GDF6: variants seen among roughly 807,000 people sequenced by gnomAD.
The protein encoded by GDF6 is growth differentiation factor 6.
A neutral mutation model predicts 32.4 loss-of-function variants in GDF6; 3 were observed. The ratio of observed to expected loss-of-function variants is 0.09; its 90% CI spans 0.04 to 0.24. GDF6 has a LOEUF of 0.24. Ranked by LOEUF, GDF6 falls within the 10% of genes least tolerant of loss-of-function variation. The probability of loss-of-function intolerance (pLI) is 1.00; values close to 1 mark genes in which losing one functional copy is unlikely to be tolerated. For missense variants in GDF6, 589 were observed against 637.9 expected (o/e 0.92, Z 0.83); for synonymous variants, 296 against 295.3 (o/e 1.00, Z -0.03).
intron 1 of GDF6, among the ~76,000 whole-genome samples, chr8:96,154,060 A>G (rs994846749): frequency 1.3e-5 from 2 of 152,150 alleles, no homozygotes; most frequent in African/African-American, 4.8e-5. Flanking sequence ...TTTGCAAAGC[A>G]GGCGCACCGA....
At chr8:96,156,797 C>G (rs1023412068) in intron 1 of GDF6, among the ~76,000 whole-genome samples, 3 of 152,198 alleles carry the variant, frequency 2.0e-5, no homozygotes, top group African/African-American at 7.2e-5. Context: ...CACTCACACT[C>G]CTAACTGGGT....
intron 1 of GDF6, among the ~76,000 whole-genome samples, chr8:96,153,860 C>A (rs1426860417): frequency 6.6e-6 from 1 of 152,016 alleles, no homozygotes; most frequent in African/African-American, 2.4e-5. Flanking sequence ...CGTGTGCAGT[C>A]TGGGAGGAAG....
chr8:96,145,188 C>A lies in GDF6; in HGVS notation c.743G>T (p.Arg248Leu), dbSNP rs765707228. Residue 248 changes from arginine (R) to leucine (L), a missense_variant, in exon 2 of 2, where the codon CGC becomes CTC. Coordinates refer to ENST00000287020, the MANE Select transcript of GDF6 (RefSeq NM_001001557.4). The surrounding 1 kb of genome is among the most constrained non-coding windows in gnomAD (Gnocchi z 5.6). ...CGGCGGTTGCTGGGGTCCCCGCGCG[C>A]GCGCCTCGGCCTCCCCGGCGTCCAG... ...GELDAGEAEA[R>L]ARGPQQPPPP... The A allele has an allele frequency of 9.4e-6, 14 of 1,496,746 alleles. No homozygotes were observed. Among genetic ancestry groups the A allele is most frequent in the Admixed American group, 2.1e-5 (1 of 46,636 alleles). 92.7% of individuals were successfully genotyped at this position (1,496,746 alleles called of 1,614,324 possible). A position where few individuals can be genotyped will look rare whatever the true frequency, so the allele number is the denominator to read the frequency against.
intron 1 of GDF6, among the ~76,000 whole-genome samples, chr8:96,149,050 C>T (rs564602397): frequency 3.9e-5 from 6 of 152,330 alleles, no homozygotes; most frequent in African/African-American, 1.4e-4. Flanking sequence ...CCTGGCTCAG[C>T]TGCCATGAGC....
intron 1 of GDF6, among the ~76,000 whole-genome samples, chr8:96,151,513 T>C (rs934046532): frequency 6.6e-6 from 1 of 152,128 alleles, no homozygotes; most frequent in African/African-American, 2.4e-5. Flanking sequence ...CTGTGCCTTG[T>C]AGAAACCCTG....
rs1812742549 is a variant in GDF6 at position 96,160,522 on chromosome 8, G to A, written c.171C>T (p.Asp57=). ...KEGKMQRAPR[D]SDAGREGQEP... ...CCTGGCCCTCCCGGCCCGCGTCACT[G>A]TCGCGCGGCGCCCGCTGCATCTTGC... Residue 57 remains aspartate, a synonymous_variant, in exon 1 of 2, where the codon GAC becomes GAT. Coordinates refer to ENST00000287020, the MANE Select transcript of GDF6 (RefSeq NM_001001557.4). 1 of 1,613,176 alleles carries A rather than the reference G, an allele frequency of 6.2e-7. No homozygotes were observed. Among genetic ancestry groups the A allele is most frequent in the African/African-American group, 1.3e-5 (1 of 74,916 alleles).
In GDF6 at chr8:96,156,907, AACTATCTAT is replaced by A. The variant is rs1169305460; in HGVS notation, c.406+3371_406+3379del. Among the ~76,000 whole-genome samples, 3 of 152,236 alleles carry A rather than the reference AACTATCTAT, an allele frequency of 2.0e-5. No homozygotes were observed. The East Asian group carries it at 5.8e-4, about 29-fold the overall frequency. On this transcript the variant is annotated intron_variant, in intron 1 of 1. Transcript: ENST00000287020. ...CCATTAGAAACCACCTCACCACTTA[AACTATCTAT>A]ACAGTGCTCTAGTTAAACATGCAGG...
intron 1 of GDF6, among the ~76,000 whole-genome samples, chr8:96,152,284 C>T (rs1812581773): frequency 1.3e-5 from 2 of 152,206 alleles, no homozygotes. Flanking sequence ...TCCCACAGTG[C>T]CAGGTGAACA....
intron 1 of GDF6, among the ~76,000 whole-genome samples, chr8:96,151,381 G>T (rs535282453): frequency 6.6e-6 from 1 of 152,314 alleles, no homozygotes; most frequent in East Asian, 1.9e-4. Flanking sequence ...CCACTTCTGA[G>T]ACAGCCATCA....
chr8:96,144,276 GAGAGAGAGAGAGAGA>G lies in GDF6; in HGVS notation c.*272_*286del, dbSNP rs1488117579. 32 of 471,998 alleles carry G rather than the reference GAGAGAGAGAGAGAGA, an allele frequency of 6.8e-5. No homozygotes were observed. The African/African-American group carries it at 7.1e-4, about 10-fold the overall frequency. 29.2% of individuals were successfully genotyped at this position (471,998 alleles called of 1,614,324 possible). ...AGAGAGAGAGAGAGAGAGAGAGAGAGAGAGAGAGAGAGAGAAAACAGAACAAAAGAAATCCTCCTT... is the reference window on the plus strand; with the variant it reads ...AGAGAGAGAGAGAGAGAGAGAGAGAGAAACAGAACAAAAGAAATCCTCCTT... On this transcript the variant is annotated 3_prime_UTR_variant, in exon 2 of 2. Transcript: ENST00000287020. The surrounding 1 kb of genome is among the most constrained non-coding windows in gnomAD (Gnocchi z 5.1).
At chr8:96,155,672 G>T (rs1338862356) in intron 1 of GDF6, among the ~76,000 whole-genome samples, 1 of 152,206 alleles carries the variant, frequency 6.6e-6, no homozygotes, top group East Asian at 1.9e-4. Flanking sequence ...GCCTAGATTG[G>T]AACCTTCTGC....
rs1036909955 is a variant in GDF6 at position 96,145,222 on chromosome 8, A to G, written c.709T>C (p.Trp237Arg). 43 of 1,511,612 alleles carry G rather than the reference A, an allele frequency of 2.8e-5. No individual in the cohort carries two copies. The highest frequency in any genetic ancestry group is 3.6e-5 in the Non-Finnish European group (41 of 1,137,522). 93.6% of individuals were successfully genotyped at this position (1,511,612 alleles called of 1,614,324 possible). A position where few individuals can be genotyped will look rare whatever the true frequency, so the allele number is the denominator to read the frequency against. ...GCCTCCCCGGCGTCCAGCTCGCCCC[A>G]TGCGGCCCGCAGCTCCAAGCACAGC... The part of the protein sequence containing the change: ...KQLCLELRAA[W>R]GELDAGEAEA... The change falls in exon 2 of 2, where the codon TGG (tryptophan) becomes CGG (arginine). Residue 237 changes from tryptophan (W) to arginine (R), a missense_variant. Trp to Arg is a moderately radical substitution (Grantham distance 101). Coordinates refer to ENST00000287020, the MANE Select transcript of GDF6 (RefSeq NM_001001557.4). The surrounding 1 kb of genome is among the most constrained non-coding windows in gnomAD (Gnocchi z 5.6).
In GDF6 at chr8:96,146,707, C is replaced by CAGAGAGAGAGAGAGAG. The variant is rs1554571546; in HGVS notation, c.407-1199_407-1184dup. On this transcript the variant is annotated intron_variant, in intron 1 of 1. Transcript: ENST00000287020. ...ACACACACACACACACACACACACA[C>CAGAGAGAGAGAGAGAG]AGAGAGAGAGAGAGAGAGATAGAGA... 7.6e-3 allele frequency among the ~76,000 whole-genome samples: 1,058 copies of CAGAGAGAGAGAGAGAG among 139,956 alleles called. 12 individuals carry two copies. The highest frequency in any genetic ancestry group is 0.028 in the African/African-American group (972 of 35,114). 91.8% of individuals were successfully genotyped at this position (139,956 alleles called of 152,430 possible).
intron 1 of GDF6, among the ~76,000 whole-genome samples, chr8:96,150,989 T>C (rs1367488458): frequency 1.3e-5 from 2 of 152,220 alleles, no homozygotes; most frequent in Non-Finnish European, 2.9e-5. Flanking sequence ...CCAGGTGTAC[T>C]GGGTGATTAA....
chr8:96,144,291 A>AGAGAGAG lies in GDF6; in HGVS notation c.*271_*272insCTCTCTC, dbSNP rs1554571161. On this transcript the variant is annotated 3_prime_UTR_variant, in exon 2 of 2. Coordinates refer to ENST00000287020, the MANE Select transcript of GDF6 (RefSeq NM_001001557.4). This position sits in a 1 kb window ranked among gnomAD's most constrained non-coding sequence, Gnocchi z 5.1. Reference sequence around the variant, plus strand: ...GAGAGAGAGAGAGAGAGAGAGAGAGAAAACAGAACAAAAGAAATCCTCCTT... The same window carrying AGAGAGAG: ...GAGAGAGAGAGAGAGAGAGAGAGAGAGAGAGAGAAACAGAACAAAAGAAATCCTCCTT... The AGAGAGAG allele has an allele frequency of 2.5e-3, 1,202 of 487,262 alleles. 43 individuals are homozygous for AGAGAGAG. Among genetic ancestry groups the AGAGAGAG allele is most frequent in the African/African-American group, 0.023 (939 of 41,192 alleles). The allele number at this position is 487,262 out of a possible 1,614,324, so 30.2% of individuals were successfully genotyped here. A position where few individuals can be genotyped will look rare whatever the true frequency, so the allele number is the denominator to read the frequency against.
rs1467807484 is a variant in GDF6, at chr8:96,160,562, C to T, written c.131G>A (p.Arg44Gln). 1 of 1,613,620 alleles carries T rather than the reference C, an allele frequency of 6.2e-7. No homozygotes were observed. The highest frequency in any genetic ancestry group is 8.5e-7 in the Non-Finnish European group (1 of 1,179,710). The change falls in exon 1 of 2, where the codon CGA becomes CAA. Residue 44 changes from arginine to glutamine, a missense_variant. This residue lies in a region of GDF6 where 436 missense variants were observed against 411.2 expected (regional missense o/e 1.06). Coordinates refer to ENST00000287020, the MANE Select transcript of GDF6 (RefSeq NM_001001557.4). ...CTGCATCTTGCCTTCCTTGCGGCTT[C>T]GCATGCCCTTGGTGGAACCCAGCTC... ...SAELGSTKGMRSRKEGKMQRA... is the reference protein window; with the variant it reads ...SAELGSTKGMQSRKEGKMQRA...
rs1180964501 is a variant in GDF6, at chr8:96,144,288, GAGA to G, written c.*272_*274del. ...AGAGAGAGAGAGAGAGAGAGAGAGA[GAGA>G]AAACAGAACAAAAGAAATCCTCCTT... On this transcript the variant is annotated 3_prime_UTR_variant, in exon 2 of 2. Coordinates refer to ENST00000287020, the MANE Select transcript of GDF6 (RefSeq NM_001001557.4). This position sits in a 1 kb window ranked among gnomAD's most constrained non-coding sequence, Gnocchi z 5.1. 678 of 465,766 alleles carry G rather than the reference GAGA, an allele frequency of 1.5e-3. 18 individuals carry two copies. The highest frequency in any genetic ancestry group is 0.014 in the African/African-American group (611 of 43,800). The allele number at this position is 465,766 out of a possible 1,614,324, so 28.9% of individuals were successfully genotyped here. A position where few individuals can be genotyped will look rare whatever the true frequency, so the allele number is the denominator to read the frequency against.
rs1812432433 is a variant in GDF6, at chr8:96,144,458, C to T, written c.*105G>A. ...CAGGCTGTTCCCTCACCCTCAGCCT[C>T]CCCCAGCGCCAGCTTCCTCCTCCGC... On this transcript the variant is annotated 3_prime_UTR_variant, in exon 2 of 2. Coordinates refer to ENST00000287020, the MANE Select transcript of GDF6 (RefSeq NM_001001557.4). This position sits in a 1 kb window ranked among gnomAD's most constrained non-coding sequence, Gnocchi z 5.1. The T allele has an allele frequency of 1.4e-6, 2 of 1,406,676 alleles. No homozygotes were observed. The highest frequency in any genetic ancestry group is 2.5e-5 in the East Asian group (1 of 40,536). The allele number at this position is 1,406,676 out of a possible 1,614,324, so 87.1% of individuals were successfully genotyped here.
Position 96,145,017 on chromosome 8 carries a change from G to C in GDF6, c.914C>G (p.Pro305Arg). ...EQLGSAEAAG[P>R]GAGAEGSWPP... ...CCACGACCCCTCGGCGCCCGCGCCCGGGCCCGCAGCCTCGGCCGAGCCCAG... is the reference window on the plus strand; with the variant it reads ...CCACGACCCCTCGGCGCCCGCGCCCCGGCCCGCAGCCTCGGCCGAGCCCAG... The change falls in exon 2 of 2, where the codon CCG becomes CGG. Residue 305 changes from proline (P) to arginine (R), a missense_variant. Coordinates refer to ENST00000287020, the MANE Select transcript of GDF6 (RefSeq NM_001001557.4). The surrounding 1 kb of genome is among the most constrained non-coding windows in gnomAD (Gnocchi z 5.6). 1 of 1,398,822 alleles carries C rather than the reference G, an allele frequency of 7.1e-7. No individual in the cohort carries two copies. Among genetic ancestry groups the C allele is most frequent in the Non-Finnish European group, 9.3e-7 (1 of 1,074,944 alleles). 86.7% of individuals were successfully genotyped at this position (1,398,822 alleles called of 1,614,324 possible). A position where few individuals can be genotyped will look rare whatever the true frequency, so the allele number is the denominator to read the frequency against.
Sources: allele counts gnomAD v4.1 joint callset (sites outside exome capture counted in the v4.1 genomes callset), GRCh38; gene constraint gnomAD v4.1.1; regional missense constraint gnomAD v4.1.1; non-coding constraint Gnocchi (gnomAD v3.1); transcripts MANE v1.5; gene names NCBI Gene and HGNC (gene_info 2026-07-23, HGNC 2026-07-21).